The following CDK5RAP1 variants were observed in gnomAD, a reference collection of about 807,000 sequenced individuals.
CDK5RAP1 encodes mitochondrial tRNA methylthiotransferase CDK5RAP1.
A neutral mutation model predicts 64.5 loss-of-function variants in CDK5RAP1; 62 were observed. That is an observed-to-expected ratio of 0.96 (90% CI 0.78 to 1.19). The LOEUF is 1.19. CDK5RAP1 is among the 50% of genes most tolerant of loss of function. The probability of loss-of-function intolerance (pLI) is 0.00; values close to 1 mark genes in which losing one functional copy is unlikely to be tolerated. For missense variants in CDK5RAP1, 657 were observed against 735.0 expected (o/e 0.89, Z 1.23); for synonymous variants, 250 against 261.9 (o/e 0.95, Z 0.44).
intron 5 of CDK5RAP1, among the ~76,000 whole-genome samples, chr20:33,389,180 A>C (rs1279236235): frequency 6.6e-6 from 1 of 151,262 alleles, no homozygotes; most frequent in Non-Finnish European, 1.5e-5. Context: ...GGAAGTGAGC[A>C]GCGTCTCTGC....
chr20:33,396,536 G>A (rs557120025), intron 2 of CDK5RAP1, among the ~76,000 whole-genome samples: 2 of 152,272 alleles, frequency 1.3e-5, no homozygotes, highest in South Asian at 4.1e-4. Context: ...CTGGGCTCAA[G>A]CAATCCACCC....
In CDK5RAP1 at chr20:33,387,440, C is replaced by T. The variant is rs17849447; in HGVS notation, c.638G>A (p.Arg213Gln). 14 of 1,614,056 alleles carry T rather than the reference C, an allele frequency of 8.7e-6. No homozygotes were observed. Among genetic ancestry groups the T allele is most frequent in the South Asian group, 6.6e-5 (6 of 91,072 alleles). ...AGPDAYRDLP[R>Q]LLAVAESGQQ... is the part of the protein sequence containing the mutation. ...GCCCGACTCAGCAACAGCCAGCAGCCGGGGAAGGTCCCGGTAGGCATCAGG... is the reference window on the plus strand; with the variant it reads ...GCCCGACTCAGCAACAGCCAGCAGCTGGGGAAGGTCCCGGTAGGCATCAGG... The change falls in exon 6 of 14, where the codon CGG (arginine) becomes CAG (glutamine). Residue 213 changes from arginine (R) to glutamine (Q), a missense_variant. Transcript: ENST00000346416.
chr20:33,361,342 G>A (rs1982877710), intron 12 of CDK5RAP1, among the ~76,000 whole-genome samples: 1 of 152,154 alleles, frequency 6.6e-6, no homozygotes, highest in Admixed American at 6.5e-5. Context: ...TAGAGAGAAG[G>A]GAGCAAAGCG....
At chr20:33,388,801 T>G (rs1987849926) in intron 5 of CDK5RAP1, among the ~76,000 whole-genome samples, 2 of 152,170 alleles carry the variant, frequency 1.3e-5, no homozygotes, top group South Asian at 2.1e-4. Context: ...GTTTTCGTAT[T>G]TTTTTGGTGG....
At chr20:33,366,800 C>A in intron 12 of CDK5RAP1, 59 bp downstream of exon 12, 2 of 1,504,818 alleles carry the variant, frequency 1.3e-6, no homozygotes, top group South Asian at 1.3e-5. Flanking sequence ...GGAAAAAAAT[C>A]AAAGATCTAA....
At chr20:33,368,804 G>C (rs1397731777) in intron 11 of CDK5RAP1, among the ~76,000 whole-genome samples, 2 of 151,946 alleles carry the variant, frequency 1.3e-5, no homozygotes, top group Non-Finnish European at 2.9e-5. Flanking sequence ...CCGGAAGGTG[G>C]AGGTTGTGGT....
Position 33,374,098 on chromosome 20 carries a change from C to G in CDK5RAP1, c.1205+17G>C, listed in dbSNP as rs749577277. On this transcript the variant is annotated intron_variant, in intron 9 of 13. Transcript: ENST00000346416. ...CATGGAAAAGTGAGGGATGCCCCCT[C>G]TCCAAGCAAGCCTGACCCCCTCCGC... The G allele has an allele frequency of 6.3e-7, 1 of 1,584,514 alleles. No individual in the cohort carries two copies. Among genetic ancestry groups the G allele is most frequent in the Non-Finnish European group, 8.7e-7 (1 of 1,153,474 alleles).
intron 4 of CDK5RAP1, among the ~76,000 whole-genome samples, chr20:33,392,894 T>A (rs887493781): frequency 2.0e-5 from 3 of 151,954 alleles, no homozygotes; most frequent in Non-Finnish European, 4.4e-5. Flanking sequence ...TCCTTTTTTT[T>A]TTTTGAGATG....
rs966840355 is a variant in CDK5RAP1 at position 33,394,899 on chromosome 20, G to A, written c.408+114C>T. On this transcript the variant is annotated intron_variant, in intron 3 of 13. Coordinates refer to ENST00000346416, the MANE Select transcript of CDK5RAP1 (RefSeq NM_016408.4). ...GTCCCATGGTGAACACTTCACCCAA[G>A]GGAACTCTCTCTCACCAGGGGGCAC... 5.9e-5 allele frequency: 42 copies of A among 707,280 alleles called. No homozygotes were observed. In the South Asian group the frequency reaches 5.9e-4, roughly 10 times the overall value. The allele number at this position is 707,280 out of a possible 1,614,324, so 43.8% of individuals were successfully genotyped here.
chr20:33,360,421 G>A lies in CDK5RAP1; in HGVS notation c.1613C>T (p.Ala538Val), dbSNP rs1037154402. 2.5e-6 allele frequency: 4 copies of A among 1,613,402 alleles called. No individual in the cohort carries two copies. The African/African-American group carries it at 4.0e-5, about 16-fold the overall frequency. The change falls in exon 13 of 14, where the codon GCA becomes GTA. Residue 538 changes from alanine (A) to valine (V), a missense_variant. Transcript: ENST00000346416. ...DGNLKVIFPDAEMEDVNNPGL... is the reference protein window; with the variant it reads ...DGNLKVIFPDVEMEDVNNPGL... ...AGGGTTATTGACATCCTCCATCTCT[G>A]CATCAGGGAAGATCACCTTAAGGTT...
intron 5 of CDK5RAP1, among the ~76,000 whole-genome samples, chr20:33,389,478 G>C (rs1365293813): frequency 6.6e-6 from 1 of 151,832 alleles, no homozygotes; most frequent in Non-Finnish European, 1.5e-5. Context: ...CAGCCGCCCC[G>C]TCCGGGAGGG....
chr20:33,370,338 T>C (rs1984767546), intron 11 of CDK5RAP1, among the ~76,000 whole-genome samples, 161 bp downstream of exon 11: 1 of 152,140 alleles, frequency 6.6e-6, no homozygotes, highest in Non-Finnish European at 1.5e-5. Flanking sequence ...CGTTTCAGAG[T>C]AGACAGAGTG....
chr20:33,365,103 C>T (rs1360998624), intron 12 of CDK5RAP1, among the ~76,000 whole-genome samples: 1 of 151,558 alleles, frequency 6.6e-6, no homozygotes, highest in Non-Finnish European at 1.5e-5. Flanking sequence ...ACCATGTTGC[C>T]TAAGCTGGTT....
At chr20:33,360,270 A>G in intron 13 of CDK5RAP1, 81 bp downstream of exon 13, 1 of 1,388,404 alleles carries the variant, frequency 7.2e-7, no homozygotes, top group East Asian at 2.3e-5. Context: ...ATGTGTCTCT[A>G]GGAAAAAACT....
rs1031457210 is a variant in CDK5RAP1, at chr20:33,360,582, A to G, written c.1543-91T>C. Reference sequence around the variant, plus strand: ...TGTGCCTTCTCTGTCTCGGATCCCCAAGAGTCTGACCCACAGAGCATTCCT... The same window carrying G: ...TGTGCCTTCTCTGTCTCGGATCCCCGAGAGTCTGACCCACAGAGCATTCCT... On this transcript the variant is annotated intron_variant, in intron 12 of 13. Transcript: ENST00000346416. 2.5e-6 allele frequency: 3 copies of G among 1,187,918 alleles called. No homozygotes were observed. In the African/African-American group the frequency reaches 4.6e-5, roughly 18 times the overall value. 73.6% of individuals were successfully genotyped at this position (1,187,918 alleles called of 1,614,324 possible). A position where few individuals can be genotyped will look rare whatever the true frequency, so the allele number is the denominator to read the frequency against.
At chr20:33,376,777 A>G (rs899230595) in intron 8 of CDK5RAP1, among the ~76,000 whole-genome samples, 1 of 152,258 alleles carries the variant, frequency 6.6e-6, no homozygotes, top group African/African-American at 2.4e-5. Context: ...ATCTGGGCAG[A>G]GTAAACTGAA....
chr20:33,363,210 T>C (rs963691508), intron 12 of CDK5RAP1, among the ~76,000 whole-genome samples: 6 of 152,302 alleles, frequency 3.9e-5, no homozygotes, highest in Admixed American at 1.3e-4. Flanking sequence ...AATCTTTAAG[T>C]GTCAAGGTCA....
At chr20:33,395,269 GC>G (rs1051930121) in intron 2 of CDK5RAP1, among the ~76,000 whole-genome samples, 153 bp from the exon 3 acceptor site, 54 of 152,184 alleles carry the variant, frequency 3.5e-4, no homozygotes, top group African/African-American at 1.3e-3. Flanking sequence ...AACATAAATT[GC>G]CAGATGTACC....
chr20:33,371,726 T>G (rs1230507696), intron 10 of CDK5RAP1, among the ~76,000 whole-genome samples: 1 of 152,114 alleles, frequency 6.6e-6, no homozygotes, highest in Non-Finnish European at 1.5e-5. Context: ...GAAGCTGCAG[T>G]GAGCCGAGAT....
Sources: gnomAD v4.1 joint callset for allele counts (sites outside exome capture counted in the v4.1 genomes callset) on GRCh38, gnomAD v4.1.1 for gene constraint, MANE v1.5 for transcripts, NCBI Gene and HGNC (gene_info 2026-07-23, HGNC 2026-07-21) for gene names.